TMEM232: variants seen among roughly 807,000 people sequenced by gnomAD.
TMEM232 encodes transmembrane protein 232.
Under a neutral mutation model 78.8 loss-of-function variants are expected in TMEM232, and 80 were observed. That is an observed-to-expected ratio of 1.01 (90% CI 0.85 to 1.22). TMEM232 has a LOEUF of 1.22. Among genes scored for constraint, TMEM232 ranks in the 50% most tolerant of loss-of-function variants. The pLI, the probability that TMEM232 is intolerant of heterozygous loss-of-function variation, is 0.00. For synonymous variants in TMEM232, 297 were observed against 254.3 expected (o/e 1.17, Z -1.60); for missense variants, 881 against 742.2 (o/e 1.19, Z -2.17).
chr5:110,710,835 T>A (rs1040026967), intron 1 of TMEM232, among the ~76,000 whole-genome samples: 1 of 152,154 alleles, frequency 6.6e-6, no homozygotes, highest in African/African-American at 2.4e-5. Flanking sequence ...GGAAACAGCC[T>A]TTCCTCTAAA....
At chr5:110,568,311 G>A (rs1213030777) in intron 11 of TMEM232, 136 bp downstream of exon 11, 1 of 926,978 alleles carries the variant, frequency 1.1e-6, no homozygotes, top group East Asian at 2.9e-5. Flanking sequence ...TCAGTGTTAA[G>A]TTTTAAAAAT....
At chr5:110,501,953 G>A (rs1303905122) in intron 12 of TMEM232, among the ~76,000 whole-genome samples, 1 of 152,018 alleles carries the variant, frequency 6.6e-6, no homozygotes, top group African/African-American at 2.4e-5. Flanking sequence ...ATATTGAATT[G>A]TTTGTTACTA....
intron 12 of TMEM232, among the ~76,000 whole-genome samples, chr5:110,516,592 T>G (rs899903967): frequency 6.6e-6 from 1 of 152,086 alleles, no homozygotes; most frequent in Non-Finnish European, 1.5e-5. Context: ...CATAATGATT[T>G]TTTCATATTT....
chr5:110,652,743 A>C (rs1274324233), intron 2 of TMEM232, among the ~76,000 whole-genome samples: 1 of 150,722 alleles, frequency 6.6e-6, no homozygotes, highest in Admixed American at 6.7e-5. Context: ...AACACATGGT[A>C]AGAAGCAAAA....
chr5:110,468,323 A>T (rs1762313600), intron 12 of TMEM232, among the ~76,000 whole-genome samples: 1 of 151,630 alleles, frequency 6.6e-6, no homozygotes, highest in Non-Finnish European at 1.5e-5. Context: ...AAAAAGTTTA[A>T]AGAATTTATT....
chr5:110,669,351 C>T (rs1004611132), intron 1 of TMEM232, among the ~76,000 whole-genome samples: 1 of 152,182 alleles, frequency 6.6e-6, no homozygotes, highest in East Asian at 1.9e-4. Context: ...ACTATAAACA[C>T]CTCTATGCAA....
intron 12 of TMEM232, among the ~76,000 whole-genome samples, chr5:110,466,079 G>A (rs1182346770): frequency 1.3e-5 from 2 of 152,072 alleles, no homozygotes; most frequent in Non-Finnish European, 2.9e-5. Flanking sequence ...TCTACTAATT[G>A]AATATAGCTG....
chr5:110,680,822 A>G (rs907991786), intron 1 of TMEM232, among the ~76,000 whole-genome samples: 2 of 152,134 alleles, frequency 1.3e-5, no homozygotes, highest in Non-Finnish European at 2.9e-5. Flanking sequence ...GAGTTAGGGA[A>G]GGAGGGAAAA....
rs188203933 is a variant in TMEM232 at position 110,500,563 on chromosome 5, A to G, written c.1703+28025T>C. On this transcript the variant is annotated intron_variant, in intron 12 of 13. Coordinates refer to ENST00000455884, the MANE Select transcript of TMEM232 (RefSeq NM_001039763.4). Reference sequence around the variant, plus strand: ...TAGAGGGAAATTTATAGCAGTGAAGATGTATATGAGGAAATGAATAAGTTT... The same window carrying G: ...TAGAGGGAAATTTATAGCAGTGAAGGTGTATATGAGGAAATGAATAAGTTT... Among the ~76,000 whole-genome samples the G allele has an allele frequency of 3.1e-4, 47 of 152,268 alleles. 1 individual carries two copies. The highest frequency in any genetic ancestry group is 8.5e-4 in the Admixed American group (13 of 15,294).
At chr5:110,639,836 G>T (rs139897001) in intron 4 of TMEM232, among the ~76,000 whole-genome samples, 13 of 152,188 alleles carry the variant, frequency 8.5e-5, no homozygotes, top group African/African-American at 3.1e-4. Flanking sequence ...GTTCACCATA[G>T]GCTTCACACA....
chr5:110,389,216 G>A (rs987011939), intron 4 of TMEM232, among the ~76,000 whole-genome samples: 3 of 152,102 alleles, frequency 2.0e-5, no homozygotes, highest in South Asian at 2.1e-4. Context: ...AGCCGAGATC[G>A]CACTACTGCA....
At chr5:110,490,391 C>T (rs1764956922) in intron 12 of TMEM232, among the ~76,000 whole-genome samples, 1 of 152,062 alleles carries the variant, frequency 6.6e-6, no homozygotes, top group African/African-American at 2.4e-5. Context: ...AAAAGACATT[C>T]TGTATTTATG....
chr5:110,731,198 G>T (rs1798646851), upstream of TMEM232, among the ~76,000 whole-genome samples: 1 of 152,152 alleles, frequency 6.6e-6, no homozygotes, highest in African/African-American at 2.4e-5. Context: ...ATGGTCTTCG[G>T]CAGCTCCACC....
At chr5:110,716,137 T>C (rs549665602) in intron 1 of TMEM232, among the ~76,000 whole-genome samples, 2 of 152,228 alleles carry the variant, frequency 1.3e-5, no homozygotes, top group East Asian at 1.9e-4. Context: ...CTTGGGCACA[T>C]ATTCTTAGGG....
At chr5:110,576,562 A>G (rs1419509318) in intron 10 of TMEM232, among the ~76,000 whole-genome samples, 1 of 152,140 alleles carries the variant, frequency 6.6e-6, no homozygotes. Context: ...CAACAAAAAA[A>G]GCCTGAATAG....
intron 12 of TMEM232, among the ~76,000 whole-genome samples, chr5:110,524,456 A>G (rs901780430): frequency 3.9e-4 from 60 of 151,944 alleles, no homozygotes; most frequent in African/African-American, 1.3e-3. Context: ...AAAGAAAGAA[A>G]GAAAAAGAAA....
rs550844597 is a variant in TMEM232 at position 110,644,263 on chromosome 5, T to C, written c.126-1892A>G. ...TCTGGGATAACATATTTTTGATCTATGTGAACCTACGCTACATAAAGTGTC... is the reference window on the plus strand; with the variant it reads ...TCTGGGATAACATATTTTTGATCTACGTGAACCTACGCTACATAAAGTGTC... On this transcript the variant is annotated intron_variant, in intron 2 of 13. Transcript: ENST00000455884. Among the ~76,000 whole-genome samples the C allele has an allele frequency of 7.9e-5, 12 of 152,074 alleles. No homozygotes were observed. The East Asian group carries it at 9.6e-4, about 12-fold the overall frequency.
chr5:110,505,803 C>T (rs1422299445), intron 12 of TMEM232, among the ~76,000 whole-genome samples: 1 of 152,170 alleles, frequency 6.6e-6, no homozygotes, highest in Non-Finnish European at 1.5e-5. Context: ...AGCCACTGTG[C>T]CCTGTCCTAA....
chr5:110,700,834 G>T (rs1795365562), intron 1 of TMEM232, among the ~76,000 whole-genome samples: 1 of 128,692 alleles, frequency 7.8e-6, no homozygotes, highest in African/African-American at 2.9e-5. Flanking sequence ...AGATATAATA[G>T]AGAACAAATT....
Sources: allele counts gnomAD v4.1 joint callset (sites outside exome capture counted in the v4.1 genomes callset), GRCh38; gene constraint gnomAD v4.1.1; transcripts MANE v1.5; gene names NCBI Gene and HGNC (gene_info 2026-07-23, HGNC 2026-07-21).